The following ABLIM2 variants were observed in gnomAD, a reference collection of about 807,000 sequenced individuals.
The protein encoded by ABLIM2 is actin-binding LIM protein 2.
ABLIM2 carries 53 observed loss-of-function variants against 97.7 expected under a neutral mutation model. That is an observed-to-expected ratio of 0.54 (90% CI 0.44 to 0.68). The LOEUF (loss-of-function observed/expected upper bound fraction) is 0.68. ABLIM2 is among the 30% of genes least tolerant of loss of function. The pLI, the probability that ABLIM2 is intolerant of heterozygous loss-of-function variation, is 0.00. For synonymous variants in ABLIM2, 361 were observed against 345.8 expected (o/e 1.04, Z -0.49); for missense variants, 835 against 867.2 (o/e 0.96, Z 0.47).
chr4:7,991,643 G>A (rs1748805238), intron 17 of ABLIM2, among the ~76,000 whole-genome samples: 1 of 152,220 alleles, frequency 6.6e-6, no homozygotes, highest in South Asian at 2.1e-4. Flanking sequence ...ATTCAAAGAA[G>A]CGTGCCACAT....
In ABLIM2 at chr4:8,073,294, C is replaced by T. The variant is rs76640965; in HGVS notation, c.675+4334G>A. 1.7e-4 allele frequency among the ~76,000 whole-genome samples: 26 copies of T among 151,194 alleles called. No individual in the cohort carries two copies. In the East Asian group the frequency reaches 3.7e-3, roughly 22 times the overall value. On this transcript the variant is annotated intron_variant, in intron 6 of 20. Coordinates refer to ENST00000447017, the MANE Select transcript of ABLIM2 (RefSeq NM_001130083.2). ...TGGGGTCTCATAGAGAGTGAGCCAC[C>T]CAGGCCGTCCTCGCTGAGGTCTGGC...
chr4:7,973,378 G>T lies in ABLIM2; in HGVS notation c.1825-6275C>A, dbSNP rs192821509. ...TAACCAGGCGTGGTGGTACATGCCTGTAGTCCCAGCTACCCGGGAGGCTGA... is the reference window on the plus strand; with the variant it reads ...TAACCAGGCGTGGTGGTACATGCCTTTAGTCCCAGCTACCCGGGAGGCTGA... On this transcript the variant is annotated intron_variant, in intron 20 of 20. Coordinates refer to ENST00000447017, the MANE Select transcript of ABLIM2 (RefSeq NM_001130083.2). Among the ~76,000 whole-genome samples, 205 of 150,812 alleles carry T rather than the reference G, an allele frequency of 1.4e-3. 1 individual carries two copies. Among genetic ancestry groups the T allele is most frequent in the African/African-American group, 4.8e-3 (193 of 40,236 alleles).
At chr4:8,086,032 A>G in intron 4 of ABLIM2, among the ~76,000 whole-genome samples, 1 of 152,144 alleles carries the variant, frequency 6.6e-6, no homozygotes, top group Non-Finnish European at 1.5e-5. Flanking sequence ...TGAGAAAACT[A>G]AAGGAGGCTG....
chr4:7,968,648 C>T (rs1015173263), intron 20 of ABLIM2, among the ~76,000 whole-genome samples: 1 of 152,124 alleles, frequency 6.6e-6, no homozygotes, highest in Non-Finnish European at 1.5e-5. Context: ...AGAGACAGAG[C>T]ATGGATTCGT....
At chr4:8,089,732 C>CAAAA (rs58396378) in intron 3 of ABLIM2, among the ~76,000 whole-genome samples, 21 of 87,664 alleles carry the variant, frequency 2.4e-4, no homozygotes, top group Non-Finnish European at 3.0e-4. Flanking sequence ...AGATTCATAT[C>CAAAA]AAAAAAAAAA....
At chr4:8,078,618 G>A (rs1372181884) in intron 5 of ABLIM2, among the ~76,000 whole-genome samples, 1 of 152,244 alleles carries the variant, frequency 6.6e-6, no homozygotes, top group African/African-American at 2.4e-5. Context: ...CTCGGTGTGG[G>A]GAGGCGCTGC....
chr4:8,086,440 C>A (rs1429878147), intron 4 of ABLIM2, among the ~76,000 whole-genome samples: 1 of 151,280 alleles, frequency 6.6e-6, no homozygotes, highest in Non-Finnish European at 1.5e-5. Flanking sequence ...CTCTGCCTCC[C>A]AAGTTCAAGC....
At chr4:8,025,870 G>T (rs1776988275) in intron 12 of ABLIM2, among the ~76,000 whole-genome samples, 1 of 152,180 alleles carries the variant, frequency 6.6e-6, no homozygotes, top group South Asian at 2.1e-4. Context: ...TGGGTGCCCT[G>T]CCGTGACTCA....
chr4:8,156,585 C>A (rs1715437694), intron 1 of ABLIM2, among the ~76,000 whole-genome samples: 1 of 152,246 alleles, frequency 6.6e-6, no homozygotes, highest in South Asian at 2.1e-4. Context: ...GAACAGGGAG[C>A]CTGCAGCACA....
intron 1 of ABLIM2, among the ~76,000 whole-genome samples, chr4:8,143,217 G>A (rs11945419): frequency 0.25 from 37,608 of 147,508 alleles, 6,523 homozygotes; most frequent in African/African-American, 0.5. Flanking sequence ...CTATCACAGC[G>A]TCCCAGGCTG....
At chr4:8,065,672 C>T (rs1806632076) in intron 6 of ABLIM2, among the ~76,000 whole-genome samples, 1 of 152,210 alleles carries the variant, frequency 6.6e-6, no homozygotes, top group East Asian at 1.9e-4. Flanking sequence ...GCCTGTAATC[C>T]CAGCACTTTG....
chr4:8,047,709 C>T (rs1187607062), intron 8 of ABLIM2, among the ~76,000 whole-genome samples: 3 of 152,220 alleles, frequency 2.0e-5, no homozygotes, highest in South Asian at 2.1e-4. Flanking sequence ...CATTGAAACA[C>T]CCTTTGAGTC....
intron 14 of ABLIM2, among the ~76,000 whole-genome samples, chr4:8,018,821 C>A (rs1193545347): frequency 1.3e-5 from 2 of 152,218 alleles, no homozygotes; most frequent in Admixed American, 6.5e-5. Flanking sequence ...CCATCATGTG[C>A]ACAGCACTTT....
intron 1 of ABLIM2, among the ~76,000 whole-genome samples, chr4:8,142,291 T>C (rs1851109294): frequency 6.6e-6 from 1 of 152,152 alleles, no homozygotes; most frequent in Non-Finnish European, 1.5e-5. Flanking sequence ...AGCTGGTCTC[T>C]CCTGCTGCCC....
At chr4:8,141,597 G>C (rs554263026) in intron 1 of ABLIM2, among the ~76,000 whole-genome samples, 2 of 152,334 alleles carry the variant, frequency 1.3e-5, no homozygotes, top group African/African-American at 4.8e-5. Flanking sequence ...GCCTAGGCTA[G>C]TCTCAAATTC....
chr4:8,136,703 C>T (rs541169867), intron 1 of ABLIM2, among the ~76,000 whole-genome samples: 8 of 152,334 alleles, frequency 5.3e-5, no homozygotes, highest in South Asian at 2.1e-4. Context: ...CCGAGGGAAG[C>T]GGAGGAAGGA....
intron 1 of ABLIM2, among the ~76,000 whole-genome samples, chr4:8,143,159 TGG>T (rs1554123507): frequency 2.1e-4 from 13 of 61,364 alleles, no homozygotes; most frequent in African/African-American, 7.6e-4. Context: ...GGGGCGAGAG[TGG>T]GGGGGGGGGG....
In ABLIM2 at chr4:7,966,947, G is replaced by T; in HGVS notation, c.*43C>A. The stretch of plus-strand genomic sequence containing the variant: ...GTGCGGTTCTCGCCAGGGGCCCCTG[G>T]CCTCGGCGCCCGGCACACACCAGTG... On this transcript the variant is annotated 3_prime_UTR_variant, in exon 21 of 21. Coordinates refer to ENST00000447017, the MANE Select transcript of ABLIM2 (RefSeq NM_001130083.2). 6.9e-7 allele frequency: 1 copy of T among 1,452,184 alleles called. No individual in the cohort carries two copies. The highest frequency in any genetic ancestry group is 9.4e-7 in the Non-Finnish European group (1 of 1,059,818). 90.0% of individuals were successfully genotyped at this position (1,452,184 alleles called of 1,614,324 possible). A position where few individuals can be genotyped will look rare whatever the true frequency, so the allele number is the denominator to read the frequency against.
At position 8,148,521 on chromosome 4, in the gene ABLIM2, C is replaced by T. The variant is rs113242328; in HGVS notation, c.10+10159G>A. On this transcript the variant is annotated intron_variant, in intron 1 of 20. Transcript: ENST00000447017. The surrounding 1 kb of genome is among the most constrained non-coding windows in gnomAD (Gnocchi z 6.7). ...AGAGTTACCTAATTCCCTGGGCCTCCGTTTGCTCACCTGTGAAGTGGGAAT... is the reference window on the plus strand; with the variant it reads ...AGAGTTACCTAATTCCCTGGGCCTCTGTTTGCTCACCTGTGAAGTGGGAAT... Among the ~76,000 whole-genome samples the T allele has an allele frequency of 1.8e-3, 277 of 152,300 alleles. 1 individual carries two copies. The highest frequency in any genetic ancestry group is 6.2e-3 in the African/African-American group (258 of 41,576).
Sources: allele counts gnomAD v4.1 joint callset (sites outside exome capture counted in the v4.1 genomes callset), GRCh38; gene constraint gnomAD v4.1.1; non-coding constraint Gnocchi (gnomAD v3.1); transcripts MANE v1.5; gene names NCBI Gene and HGNC (gene_info 2026-07-23, HGNC 2026-07-21).